Variants in PPP1R12B observed in about 807,000 individuals in gnomAD.
The protein encoded by PPP1R12B is protein phosphatase 1 regulatory subunit 12B.
PPP1R12B carries 76 observed loss-of-function variants against 126.1 expected under a neutral mutation model. The observed-to-expected ratio is 0.60, with a 90% CI of 0.50 to 0.73. The LOEUF is 0.73. Among genes scored for constraint, PPP1R12B ranks in the 30% least tolerant of loss-of-function variants. PPP1R12B has a pLI of 0.00. For missense variants in PPP1R12B, 1,052 were observed against 1,205.1 expected (o/e 0.87, Z 1.88); for synonymous variants, 356 against 434.7 (o/e 0.82, Z 2.25).
At chr1:202,527,166 T>G (rs2148929236) in intron 18 of PPP1R12B, 1 of 152,246 alleles carries the variant, frequency 6.6e-6, no homozygotes, top group East Asian at 1.9e-4. Context: ...GATAGAAAAT[T>G]CAATAAGCCT....
chr1:202,528,368 G>C (rs986300156), intron 18 of PPP1R12B, among the ~76,000 whole-genome samples: 6 of 152,166 alleles, frequency 3.9e-5, no homozygotes, highest in Non-Finnish European at 8.8e-5. Flanking sequence ...TGTGGTTGTT[G>C]TATGCCAGTC....
At position 202,348,771 on chromosome 1, in the gene PPP1R12B, G is replaced by C. The variant is rs566388395; in HGVS notation, c.-81G>C. ...CCTCTGCTCCGGGCTGAAGCGCTCTGAGAGAGGCGGCAGCGGCAACTCGAG... is the reference window on the plus strand; with the variant it reads ...CCTCTGCTCCGGGCTGAAGCGCTCTCAGAGAGGCGGCAGCGGCAACTCGAG... On this transcript the variant is annotated 5_prime_UTR_variant, in exon 1 of 24. Coordinates refer to ENST00000608999, the MANE Select transcript of PPP1R12B (RefSeq NM_002481.4). The C allele has an allele frequency of 6.0e-6, 9 of 1,493,588 alleles. No individual in the cohort carries two copies. The African/African-American group carries it at 9.7e-5, about 16-fold the overall frequency. 92.5% of individuals were successfully genotyped at this position (1,493,588 alleles called of 1,614,324 possible). A position where few individuals can be genotyped will look rare whatever the true frequency, so the allele number is the denominator to read the frequency against.
chr1:202,378,830 A>T (rs1215319844), intron 1 of PPP1R12B, among the ~76,000 whole-genome samples: 3 of 151,898 alleles, frequency 2.0e-5, no homozygotes, highest in Non-Finnish European at 4.4e-5. Flanking sequence ...TATCTACTTG[A>T]TCTCCATATG....
chr1:202,550,861 A>G (rs1686235140), intron 18 of PPP1R12B, among the ~76,000 whole-genome samples: 1 of 152,228 alleles, frequency 6.6e-6, no homozygotes, highest in East Asian at 1.9e-4. Flanking sequence ...TGCCTTAGGT[A>G]TTTTATGGAG....
At chr1:202,445,291 T>C (rs750551331) in intron 12 of PPP1R12B, 21 of 1,177,532 alleles carry the variant, frequency 1.8e-5, no homozygotes, top group African/African-American at 3.2e-5. Flanking sequence ...AAAACACATA[T>C]GAAATTTGAA....
At chr1:202,539,479 G>A (rs530957343) in intron 18 of PPP1R12B, among the ~76,000 whole-genome samples, 17 of 152,160 alleles carry the variant, frequency 1.1e-4, no homozygotes, top group South Asian at 2.1e-4. Context: ...AAGCAGCTTC[G>A]TCTGGGAGGA....
intron 18 of PPP1R12B, among the ~76,000 whole-genome samples, chr1:202,519,452 A>G (rs1407567883): frequency 6.6e-6 from 1 of 151,620 alleles, no homozygotes; most frequent in Non-Finnish European, 1.5e-5. Flanking sequence ...CTGTATTTTT[A>G]GTAAAGATGG....
chr1:202,526,453 TTGTA>T (rs1204505532), intron 18 of PPP1R12B, among the ~76,000 whole-genome samples: 2 of 152,098 alleles, frequency 1.3e-5, no homozygotes, highest in African/African-American at 2.4e-5. Context: ...ATGAGCATGG[TTGTA>T]TGTTTTTTTC....
intron 13 of PPP1R12B, among the ~76,000 whole-genome samples, chr1:202,453,351 A>G (rs1355422365): frequency 1.3e-5 from 2 of 152,212 alleles, no homozygotes; most frequent in Non-Finnish European, 2.9e-5. Context: ...ATGATGAATT[A>G]TCTTTTTAAT....
In PPP1R12B at chr1:202,584,588, T is replaced by C. The variant is rs1405355137; in HGVS notation, c.*4028T>C. The C allele has an allele frequency of 6.6e-6, 1 of 152,242 alleles. No homozygotes were observed. Among genetic ancestry groups the C allele is most frequent in the Non-Finnish European group, 1.5e-5 (1 of 68,048 alleles). The allele number at this position is 152,242 out of a possible 1,614,324, so 9.4% of individuals were successfully genotyped here. A position where few individuals can be genotyped will look rare whatever the true frequency, so the allele number is the denominator to read the frequency against. On this transcript the variant is annotated 3_prime_UTR_variant, in exon 24 of 24. Coordinates refer to ENST00000608999, the MANE Select transcript of PPP1R12B (RefSeq NM_002481.4). Reference sequence around the variant, plus strand: ...GCCTCTCCTAGCCACAGACAGACACTGTCTCCTCTCAGAGAAAGGCCAGTG... The same window carrying C: ...GCCTCTCCTAGCCACAGACAGACACCGTCTCCTCTCAGAGAAAGGCCAGTG...
chr1:202,462,716 T>A lies in PPP1R12B; in HGVS notation c.1850+13545T>A, dbSNP rs979194035. The A allele has an allele frequency of 6.3e-6, 6 of 955,904 alleles. No individual in the cohort carries two copies. In the African/African-American group the frequency reaches 1.1e-4, roughly 17 times the overall value. The allele number at this position is 955,904 out of a possible 1,614,324, so 59.2% of individuals were successfully genotyped here. On this transcript the variant is annotated intron_variant, in intron 13 of 23. Transcript: ENST00000608999. ...TCAACCCTCCCTTGTTTTTTATCAGTTGATTTTCCCATGTTAGAAAAGGAC... is the reference window on the plus strand; with the variant it reads ...TCAACCCTCCCTTGTTTTTTATCAGATGATTTTCCCATGTTAGAAAAGGAC...
intron 1 of PPP1R12B, among the ~76,000 whole-genome samples, chr1:202,409,181 A>G (rs1667058650): frequency 1.3e-5 from 2 of 152,094 alleles, no homozygotes; most frequent in African/African-American, 2.4e-5. Context: ...CTGGATATAT[A>G]TTCAAAATCC....
chr1:202,464,443 G>T (rs1185983150), intron 13 of PPP1R12B, among the ~76,000 whole-genome samples: 2 of 152,164 alleles, frequency 1.3e-5, no homozygotes, highest in Non-Finnish European at 2.9e-5. Flanking sequence ...GGATGAGTTC[G>T]CAGATGAGCC....
At chr1:202,554,872 C>T (rs1028708456) in intron 18 of PPP1R12B, among the ~76,000 whole-genome samples, 9 of 151,866 alleles carry the variant, frequency 5.9e-5, no homozygotes, top group African/African-American at 2.2e-4. Flanking sequence ...GTAGGGAACA[C>T]CTCCTACAGT....
chr1:202,574,951 TGTC>T (rs780751593), intron 23 of PPP1R12B: 1 of 1,512,384 alleles, frequency 6.6e-7, no homozygotes, highest in East Asian at 2.3e-5. Context: ...TGGTCTGTCT[TGTC>T]TCTCTCTGTC....
chr1:202,403,891 A>T (rs893873047), intron 1 of PPP1R12B, among the ~76,000 whole-genome samples: 2 of 152,184 alleles, frequency 1.3e-5, no homozygotes, highest in Non-Finnish European at 2.9e-5. Flanking sequence ...TGACATTCTA[A>T]TAAGTGACCC....
intron 12 of PPP1R12B, chr1:202,445,012 G>T (rs1672067664): frequency 8.0e-7 from 1 of 1,246,022 alleles, no homozygotes; most frequent in Non-Finnish European, 1.0e-6. Context: ...TGAGCAGCAT[G>T]TCCTGAAGAA....
At chr1:202,545,167 C>T (rs974902750) in intron 18 of PPP1R12B, among the ~76,000 whole-genome samples, 14 of 152,190 alleles carry the variant, frequency 9.2e-5, no homozygotes, top group African/African-American at 3.4e-4. Flanking sequence ...AATCTGTTAA[C>T]CATTTTTTCC....
At chr1:202,438,835 C>T (rs979273789) in intron 10 of PPP1R12B, 28 of 970,748 alleles carry the variant, frequency 2.9e-5, no homozygotes, top group South Asian at 2.3e-4. Context: ...GTGGGGGAGA[C>T]GGCCATGGTC....
Sources: allele counts gnomAD v4.1 joint callset (sites outside exome capture counted in the v4.1 genomes callset), GRCh38; gene constraint gnomAD v4.1.1; transcripts MANE v1.5; gene names NCBI Gene and HGNC (gene_info 2026-07-23, HGNC 2026-07-21).